The following CNTNAP2 variants were observed in gnomAD, a reference collection of about 807,000 sequenced individuals.
The protein encoded by CNTNAP2 is contactin associated protein 2, also known as contactin-associated protein-like 2.
CNTNAP2 carries 98 observed loss-of-function variants against 155.2 expected under a neutral mutation model. The ratio of observed to expected loss-of-function variants is 0.63; its 90% confidence interval spans 0.54 to 0.75. The LOEUF (loss-of-function observed/expected upper bound fraction) is 0.75, where lower values mean the gene tolerates loss of function less well. Ranked by LOEUF, CNTNAP2 falls within the 30% of genes least tolerant of loss-of-function variation. The probability of loss-of-function intolerance (pLI) is 0.00; values close to 1 mark genes in which losing one functional copy is unlikely to be tolerated. For synonymous variants in CNTNAP2, 651 were observed against 631.2 expected (o/e 1.03, Z -0.47); for missense variants, 1,727 against 1,688.1 (o/e 1.02, Z -0.40).
chr7:147,121,316 C>T (rs948192255), intron 6 of CNTNAP2, 153 bp downstream of exon 6: 34 of 696,996 alleles, frequency 4.9e-5, no homozygotes, highest in Middle Eastern at 8.3e-4. Flanking sequence ...CTGATTAATT[C>T]GTTTCATTTT....
At chr7:147,837,699 A>G (rs1255248722) in intron 13 of CNTNAP2, among the ~76,000 whole-genome samples, 1 of 152,188 alleles carries the variant, frequency 6.6e-6, no homozygotes, top group Non-Finnish European at 1.5e-5. Flanking sequence ...ATCATTCCAA[A>G]TCGGAGAAAT....
chr7:148,046,888 G>A (rs1238088221), intron 15 of CNTNAP2, among the ~76,000 whole-genome samples: 1 of 152,100 alleles, frequency 6.6e-6, no homozygotes, highest in African/African-American at 2.4e-5. Context: ...TTCTGAAAGA[G>A]TATATAGTAT....
intron 1 of CNTNAP2, among the ~76,000 whole-genome samples, chr7:146,202,847 A>G (rs910950290): frequency 1.3e-5 from 2 of 152,182 alleles, no homozygotes; most frequent in Admixed American, 6.5e-5. Flanking sequence ...TATTGACAAC[A>G]GTTGTCTTTG....
At chr7:147,130,598 A>G (rs994353326) in intron 7 of CNTNAP2, among the ~76,000 whole-genome samples, 4 of 152,192 alleles carry the variant, frequency 2.6e-5, no homozygotes, top group Non-Finnish European at 5.9e-5. Flanking sequence ...CATACAGAAA[A>G]TCTTAGATGG....
chr7:146,984,459 T>TC (rs1334236261), intron 3 of CNTNAP2, among the ~76,000 whole-genome samples: 2 of 152,162 alleles, frequency 1.3e-5, no homozygotes, highest in East Asian at 1.9e-4. Flanking sequence ...TTATTTTTTT[T>TC]TCTCTCTCCT....
chr7:146,462,153 A>T (rs1584936582), intron 1 of CNTNAP2, among the ~76,000 whole-genome samples: 1 of 152,208 alleles, frequency 6.6e-6, no homozygotes, highest in Admixed American at 6.5e-5. Context: ...GGAGCCAAAA[A>T]GAATAATACC....
chr7:146,240,411 G>T (rs1440601673), intron 1 of CNTNAP2, among the ~76,000 whole-genome samples: 4 of 151,874 alleles, frequency 2.6e-5, no homozygotes, highest in Non-Finnish European at 4.4e-5. Flanking sequence ...TGAAATAAAG[G>T]TTTATTGAGT....
rs558667290 is a variant in CNTNAP2, at chr7:147,415,270, T to A, written c.1670+19490T>A. Among the ~76,000 whole-genome samples the A allele has an allele frequency of 4.7e-4, 72 of 152,298 alleles. No homozygotes were observed. In the South Asian group the frequency reaches 0.014, roughly 30 times the overall value. On this transcript the variant is annotated intron_variant, in intron 10 of 23. Coordinates refer to ENST00000361727, the MANE Select transcript of CNTNAP2 (RefSeq NM_014141.6). ...CCTTCCACTTAATTTGAAATTTCTT[T>A]CTAATAGACATGTCTTCTACAGAGA...
At chr7:147,134,565 A>G (rs1254057569) in intron 8 of CNTNAP2, among the ~76,000 whole-genome samples, 2 of 151,788 alleles carry the variant, frequency 1.3e-5, no homozygotes, top group Non-Finnish European at 2.9e-5. Flanking sequence ...CTAAGTGCTC[A>G]TATTTGAGAA....
intron 13 of CNTNAP2, among the ~76,000 whole-genome samples, chr7:147,878,587 G>A (rs1380792066): frequency 1.3e-5 from 2 of 151,812 alleles, no homozygotes; most frequent in Non-Finnish European, 2.9e-5. Context: ...TATAGATTTA[G>A]GAAATAACTT....
intron 2 of CNTNAP2, among the ~76,000 whole-genome samples, chr7:146,797,362 G>A (rs1802789862): frequency 6.6e-6 from 1 of 152,138 alleles, no homozygotes. Flanking sequence ...TTGTATGGGA[G>A]GTGGCAGGAG....
chr7:146,399,858 A>G (rs1305771386), intron 1 of CNTNAP2, among the ~76,000 whole-genome samples: 1 of 152,048 alleles, frequency 6.6e-6, no homozygotes, highest in African/African-American at 2.4e-5. Flanking sequence ...TATTATTTCT[A>G]CTTCAGTTTC....
At chr7:146,454,151 T>C (rs1796521839) in intron 1 of CNTNAP2, among the ~76,000 whole-genome samples, 1 of 152,194 alleles carries the variant, frequency 6.6e-6, no homozygotes, top group Non-Finnish European at 1.5e-5. Context: ...TGAATGTAGT[T>C]CAACATAGTG....
intron 1 of CNTNAP2, among the ~76,000 whole-genome samples, chr7:146,352,063 T>C (rs988794024): frequency 6.6e-6 from 1 of 152,224 alleles, no homozygotes; most frequent in African/African-American, 2.4e-5. Flanking sequence ...CACTACAAAA[T>C]GGCAGAGTTG....
At chr7:146,821,963 C>T (rs1319992911) in intron 2 of CNTNAP2, among the ~76,000 whole-genome samples, 2 of 151,720 alleles carry the variant, frequency 1.3e-5, no homozygotes, top group African/African-American at 2.4e-5. Flanking sequence ...CCAGCCATCC[C>T]ATTACTGGGT....
intron 1 of CNTNAP2, among the ~76,000 whole-genome samples, chr7:146,679,347 CTTTTT>C (rs34541415): frequency 1.9e-5 from 2 of 106,928 alleles, no homozygotes; most frequent in African/African-American, 7.5e-5. Flanking sequence ...GATCTTGTTT[CTTTTT>C]TTTTTTTTTT....
Position 148,207,956 on chromosome 7 carries a change from C to T in CNTNAP2, c.3011-9332C>T, listed in dbSNP as rs552715204. Among the ~76,000 whole-genome samples, 29 of 152,118 alleles carry T rather than the reference C, an allele frequency of 1.9e-4. No homozygotes were observed. In the South Asian group the frequency reaches 5.6e-3, roughly 29 times the overall value. On this transcript the variant is annotated intron_variant, in intron 18 of 23. Coordinates refer to ENST00000361727, the MANE Select transcript of CNTNAP2 (RefSeq NM_014141.6). ...AAAAAAAATTAGCCGGGTGTGGTGGCGGGGGCCTGTAGTCCCAGCTACTCA... is the reference window on the plus strand; with the variant it reads ...AAAAAAAATTAGCCGGGTGTGGTGGTGGGGGCCTGTAGTCCCAGCTACTCA...
intron 3 of CNTNAP2, among the ~76,000 whole-genome samples, chr7:146,939,196 C>G (rs192669195): frequency 5.2e-4 from 79 of 152,222 alleles, no homozygotes; most frequent in African/African-American, 1.8e-3. Flanking sequence ...ACTAGTAGCT[C>G]TAAGCAAGCG....
At chr7:147,741,428 A>T (rs932273108) in intron 13 of CNTNAP2, among the ~76,000 whole-genome samples, 5 of 152,206 alleles carry the variant, frequency 3.3e-5, no homozygotes, top group Non-Finnish European at 5.9e-5. Context: ...AGAATATTAA[A>T]TTAAGAGTTA....
Sources: allele counts gnomAD v4.1 joint callset (sites outside exome capture counted in the v4.1 genomes callset), GRCh38; gene constraint gnomAD v4.1.1; transcripts MANE v1.5; gene names NCBI Gene and HGNC (gene_info 2026-07-23, HGNC 2026-07-21).